The following RBFOX1 variants were observed in gnomAD, a reference collection of about 807,000 sequenced individuals.
The protein encoded by RBFOX1 is RNA binding protein fox-1 homolog 1.
In RBFOX1, 8 loss-of-function variants were observed where a neutral mutation model predicts 57.7. The observed-to-expected ratio is 0.14, with a 90% CI of 0.08 to 0.25. The LOEUF (loss-of-function observed/expected upper bound fraction) is 0.25. Ranked by LOEUF, RBFOX1 falls within the 10% of genes least tolerant of loss-of-function variation. The pLI, the probability that RBFOX1 is intolerant of heterozygous loss-of-function variation, is 1.00. For synonymous variants in RBFOX1, 326 were observed against 222.4 expected, an observed-to-expected ratio of 1.47 and a Z score of -4.15; for missense variants, 611 against 548.5, an observed-to-expected ratio of 1.11 and a Z score of -1.14.
intron 1 of RBFOX1, among the ~76,000 whole-genome samples, chr16:6,149,164 C>G (rs1597798452): frequency 6.6e-6 from 1 of 152,182 alleles, no homozygotes; most frequent in Admixed American, 6.5e-5. Flanking sequence ...CTTTGGGGGC[C>G]TCCTTAATTT....
chr16:6,709,945 C>G (rs1174395170), intron 3 of RBFOX1, among the ~76,000 whole-genome samples: 1 of 152,104 alleles, frequency 6.6e-6, no homozygotes, highest in South Asian at 2.1e-4. Flanking sequence ...AATCACTTGG[C>G]AATTTTGTGA....
At chr16:7,388,785 C>G (rs189676692) in intron 4 of RBFOX1, among the ~76,000 whole-genome samples, 7 of 150,684 alleles carry the variant, frequency 4.6e-5, no homozygotes, top group East Asian at 2.0e-4. Flanking sequence ...ATGAGTTTGT[C>G]CAAATGTAGG....
At chr16:5,749,635 C>T (rs1276536625) in intron 3 of RBFOX1, among the ~76,000 whole-genome samples, 10 of 152,192 alleles carry the variant, frequency 6.6e-5, no homozygotes, top group Non-Finnish European at 1.5e-4. Context: ...ATCACTGATA[C>T]CCTTTCTTCC....
At chr16:6,834,328 G>C (rs554255670) in intron 3 of RBFOX1, among the ~76,000 whole-genome samples, 1 of 151,976 alleles carries the variant, frequency 6.6e-6, no homozygotes, top group African/African-American at 2.4e-5. Flanking sequence ...CACCCACCTC[G>C]GCCTCCCAAA....
intron 4 of RBFOX1, among the ~76,000 whole-genome samples, chr16:7,474,631 G>A (rs150981508): frequency 1.6e-3 from 251 of 152,286 alleles, no homozygotes; most frequent in African/African-American, 5.6e-3. Context: ...AAGGAGCCTG[G>A]CTCTAAAGTC....
chr16:5,580,389 CGAGGGGTA>C (rs2046625154), intron 2 of RBFOX1, among the ~76,000 whole-genome samples: 1 of 152,172 alleles, frequency 6.6e-6, no homozygotes, highest in Non-Finnish European at 1.5e-5. Context: ...CACCATTTTC[CGAGGGGTA>C]AGTGCCCACT....
At chr16:6,869,259 AAT>A (rs1482303027) in intron 3 of RBFOX1, among the ~76,000 whole-genome samples, 2 of 152,170 alleles carry the variant, frequency 1.3e-5, no homozygotes, top group Non-Finnish European at 2.9e-5. Context: ...GCTTGGTGTC[AAT>A]ATGTTTCTCA....
At chr16:6,268,155 A>G (rs568391500) in intron 1 of RBFOX1, among the ~76,000 whole-genome samples, 5 of 152,168 alleles carry the variant, frequency 3.3e-5, no homozygotes, top group Non-Finnish European at 5.9e-5. Context: ...TCTTCCAGCT[A>G]CCTTTTCTGT....
intron 4 of RBFOX1, among the ~76,000 whole-genome samples, chr16:5,958,368 T>C (rs899254583): frequency 1.3e-5 from 2 of 152,222 alleles, no homozygotes; most frequent in African/African-American, 4.8e-5. Flanking sequence ...CTTGCAGTGT[T>C]GTCTGTGCTC....
intron 4 of RBFOX1, among the ~76,000 whole-genome samples, chr16:5,993,931 A>T (rs1472339480): frequency 6.6e-6 from 1 of 152,116 alleles, no homozygotes; most frequent in East Asian, 1.9e-4. Flanking sequence ...TCAGCACTTG[A>T]TTTGGATGCC....
chr16:6,330,861 G>A (rs1221053743), intron 2 of RBFOX1, among the ~76,000 whole-genome samples: 1 of 152,158 alleles, frequency 6.6e-6, no homozygotes, highest in African/African-American at 2.4e-5. Flanking sequence ...AGACATTCTA[G>A]GGCAAATTCT....
intron 14 of RBFOX1, among the ~76,000 whole-genome samples, chr16:7,698,684 A>G (rs2079609364): frequency 6.6e-6 from 1 of 152,198 alleles, no homozygotes; most frequent in African/African-American, 2.4e-5. Context: ...CAAAGTTGTC[A>G]TGCAGTAAAT....
intron 2 of RBFOX1, among the ~76,000 whole-genome samples, chr16:6,647,926 C>T (rs2098547087): frequency 6.6e-6 from 1 of 152,150 alleles, no homozygotes. Flanking sequence ...ACTGCAACAT[C>T]AGTCTACAGG....
intron 1 of RBFOX1, among the ~76,000 whole-genome samples, chr16:5,441,440 C>G (rs1167475596): frequency 1.4e-5 from 2 of 147,898 alleles, no homozygotes; most frequent in African/African-American, 5.0e-5. Flanking sequence ...TTTTGGCTCA[C>G]TGCAACCTCC....
At chr16:5,751,388 C>T (rs185490512) in intron 3 of RBFOX1, among the ~76,000 whole-genome samples, 1 of 152,162 alleles carries the variant, frequency 6.6e-6, no homozygotes. Context: ...CTGATTACGT[C>T]TCTTGACATC....
At chr16:6,770,842 T>G (rs2078171840) in intron 3 of RBFOX1, among the ~76,000 whole-genome samples, 1 of 152,118 alleles carries the variant, frequency 6.6e-6, no homozygotes, top group Non-Finnish European at 1.5e-5. Flanking sequence ...CATTTCTAAA[T>G]AGTAGGGCTG....
At chr16:5,373,980 C>G (rs574717404) in intron 1 of RBFOX1, among the ~76,000 whole-genome samples, 7 of 152,180 alleles carry the variant, frequency 4.6e-5, no homozygotes, top group Non-Finnish European at 1.0e-4. Context: ...TGCAATGGTG[C>G]GATCTCGGCT....
chr16:6,011,950 T>A (rs1270922615), intron 4 of RBFOX1, among the ~76,000 whole-genome samples: 1 of 152,166 alleles, frequency 6.6e-6, no homozygotes, highest in Admixed American at 6.5e-5. Context: ...ATTTGTAAGG[T>A]GGCATCGCCC....
At chr16:6,089,933 G>A (rs1430868294) in intron 1 of RBFOX1, 1 of 152,194 alleles carries the variant, frequency 6.6e-6, no homozygotes, top group Non-Finnish European at 1.5e-5. Context: ...TGGCTTGAAA[G>A]AATATGGATT....
Sources: gnomAD v4.1 joint callset for allele counts (sites outside exome capture counted in the v4.1 genomes callset) on GRCh38, gnomAD v4.1.1 for gene constraint, MANE v1.5 for transcripts, NCBI Gene and HGNC (gene_info 2026-07-23, HGNC 2026-07-21) for gene names.